CDH12: variants seen among roughly 807,000 people sequenced by gnomAD.
CDH12 encodes cadherin 12, also known as cadherin-12.
CDH12 carries 41 observed loss-of-function variants against 74.1 expected under a neutral mutation model. That is an observed-to-expected ratio of 0.55 (90% CI 0.43 to 0.72). The LOEUF (loss-of-function observed/expected upper bound fraction) is 0.72. Ranked by LOEUF, CDH12 falls within the 30% of genes least tolerant of loss-of-function variation. The pLI is 0.00. For synonymous variants in CDH12, 399 were observed against 355.0 expected (o/e 1.12, Z -1.39); for missense variants, 945 against 977.2 (o/e 0.97, Z 0.44).
At chr5:22,687,016 C>T (rs1741833351) in intron 1 of CDH12, among the ~76,000 whole-genome samples, 1 of 152,180 alleles carries the variant, frequency 6.6e-6, no homozygotes, top group African/African-American at 2.4e-5. Flanking sequence ...GAAAAATGGG[C>T]CAGGTGCGGT....
intron 4 of CDH12, among the ~76,000 whole-genome samples, chr5:22,096,530 C>T (rs920143523): frequency 1.3e-4 from 20 of 152,190 alleles, no homozygotes; most frequent in South Asian, 4.2e-4. Flanking sequence ...CCTCAGCCTC[C>T]GATCCTCCAC....
intron 1 of CDH12, among the ~76,000 whole-genome samples, chr5:22,760,537 G>A (rs544617344): frequency 6.6e-6 from 1 of 151,958 alleles, no homozygotes; most frequent in African/African-American, 2.4e-5. Flanking sequence ...AAATTAGCTG[G>A]GCATGGTGGT....
At chr5:21,856,534 A>C (rs1561246578) in intron 6 of CDH12, among the ~76,000 whole-genome samples, 1 of 151,846 alleles carries the variant, frequency 6.6e-6, no homozygotes. Flanking sequence ...ACATTAATAA[A>C]ATTTGCCAAA....
intron 4 of CDH12, among the ~76,000 whole-genome samples, chr5:22,156,535 T>A (rs1253572657): frequency 6.6e-6 from 1 of 152,116 alleles, no homozygotes; most frequent in Non-Finnish European, 1.5e-5. Context: ...ATATTTGCTG[T>A]CTTTAAATCA....
intron 1 of CDH12, among the ~76,000 whole-genome samples, chr5:22,696,391 AT>A (rs71979395): frequency 1.3e-5 from 2 of 150,388 alleles, no homozygotes; most frequent in Non-Finnish European, 3.0e-5. Context: ...AAAAAAAAAA[AT>A]TTTCTTTTAT....
intron 5 of CDH12, among the ~76,000 whole-genome samples, chr5:22,076,953 T>C (rs1161735158): frequency 1.3e-5 from 2 of 152,082 alleles, no homozygotes; most frequent in Non-Finnish European, 2.9e-5. Context: ...CTTTAGGGAT[T>C]GCACTATGAG....
At position 22,181,370 on chromosome 5, in the gene CDH12, C is replaced by T. The variant is rs188643407; in HGVS notation, c.-187+31128G>A. On this transcript the variant is annotated intron_variant, in intron 4 of 14. Coordinates refer to ENST00000382254, the MANE Select transcript of CDH12 (RefSeq NM_004061.5). ...GAAGTCCCCTATTCTCCTCAGCATT[C>T]TTCCCCATCCTCCTTTACAGTCTCC... Among the ~76,000 whole-genome samples the T allele has an allele frequency of 7.4e-3, 1,129 of 152,206 alleles. 8 individuals are homozygous for T. Among genetic ancestry groups the T allele is most frequent in the Non-Finnish European group, 0.011 (735 of 68,010 alleles).
chr5:21,875,293 A>T (rs928227879), intron 6 of CDH12, among the ~76,000 whole-genome samples: 1 of 152,218 alleles, frequency 6.6e-6, no homozygotes, highest in Non-Finnish European at 1.5e-5. Flanking sequence ...CTTCAAACAT[A>T]AAATGGGAGT....
chr5:21,818,992 C>T (rs746661734), intron 8 of CDH12, among the ~76,000 whole-genome samples: 5 of 151,880 alleles, frequency 3.3e-5, no homozygotes, highest in Non-Finnish European at 7.4e-5. Flanking sequence ...AACATAGTAG[C>T]TGTCATTTAG....
intron 8 of CDH12, among the ~76,000 whole-genome samples, chr5:21,822,459 AT>A (rs1279972876): frequency 1.3e-5 from 2 of 152,036 alleles, no homozygotes; most frequent in Non-Finnish European, 2.9e-5. Flanking sequence ...GTGGAAGAAC[AT>A]TTTATGCCCT....
chr5:22,320,594 G>C (rs1738831749), intron 3 of CDH12, among the ~76,000 whole-genome samples: 1 of 152,050 alleles, frequency 6.6e-6, no homozygotes, highest in Non-Finnish European at 1.5e-5. Flanking sequence ...CAAAATCCCA[G>C]GAATTAAACC....
At chr5:22,302,222 A>T (rs2150420660) in intron 3 of CDH12, among the ~76,000 whole-genome samples, 1 of 152,322 alleles carries the variant, frequency 6.6e-6, no homozygotes, top group Middle Eastern at 3.4e-3. Context: ...CAAAACTAGT[A>T]CATCCGCTCT....
intron 3 of CDH12, among the ~76,000 whole-genome samples, chr5:22,374,195 A>G (rs1444539993): frequency 2.0e-5 from 3 of 152,168 alleles, no homozygotes; most frequent in Non-Finnish European, 2.9e-5. Context: ...CATTAACAGA[A>G]CAAAGGGCAA....
intron 1 of CDH12, among the ~76,000 whole-genome samples, chr5:22,838,663 G>T (rs1581051045): frequency 6.6e-6 from 1 of 150,752 alleles, no homozygotes; most frequent in Non-Finnish European, 1.5e-5. Flanking sequence ...GTGTGTGTGT[G>T]TGTGTGTGTG....
intron 1 of CDH12, among the ~76,000 whole-genome samples, chr5:22,717,667 T>A (rs1028346556): frequency 1.3e-5 from 2 of 152,162 alleles, no homozygotes; most frequent in African/African-American, 4.8e-5. Flanking sequence ...TAAGGAGTTG[T>A]CTGTGTTTGG....
intron 6 of CDH12, among the ~76,000 whole-genome samples, chr5:21,900,623 T>C (rs1579933642): frequency 6.6e-6 from 1 of 152,310 alleles, no homozygotes. Flanking sequence ...ATGGTATTTA[T>C]CTTTTTTCAC....
intron 6 of CDH12, among the ~76,000 whole-genome samples, chr5:21,963,878 T>G (rs1485159092): frequency 1.3e-5 from 2 of 152,126 alleles, no homozygotes; most frequent in East Asian, 3.8e-4. Context: ...GCACAGTAAT[T>G]CCTTGTTTAC....
chr5:22,505,852 G>A (rs1442237500), intron 1 of CDH12, among the ~76,000 whole-genome samples: 2 of 152,086 alleles, frequency 1.3e-5, no homozygotes, highest in Non-Finnish European at 2.9e-5. Context: ...TATTTCTCAT[G>A]ATTAGACTGG....
intron 12 of CDH12, among the ~76,000 whole-genome samples, chr5:21,761,495 G>A (rs1463257235): frequency 6.6e-6 from 1 of 152,128 alleles, no homozygotes; most frequent in African/African-American, 2.4e-5. Context: ...AGGGCAGAGT[G>A]TTGGCCAGAT....
Sources: allele counts gnomAD v4.1 joint callset (sites outside exome capture counted in the v4.1 genomes callset), GRCh38; gene constraint gnomAD v4.1.1; transcripts MANE v1.5; gene names NCBI Gene and HGNC (gene_info 2026-07-23, HGNC 2026-07-21).